The following TSPAN33 variants were observed in gnomAD, a reference collection of about 807,000 sequenced individuals.
TSPAN33 encodes the protein tetraspanin-33.
In TSPAN33, 27 loss-of-function variants were observed where a neutral mutation model predicts 34.8. The ratio of observed to expected loss-of-function variants is 0.78; its 90% CI spans 0.57 to 1.07. The LOEUF is 1.07. Ranked by LOEUF, TSPAN33 falls within the 50% of genes least tolerant of loss-of-function variation. TSPAN33 has a pLI of 0.00. For missense variants in TSPAN33, 272 were observed against 324.9 expected, an observed-to-expected ratio of 0.84 and a Z score of 1.25; for synonymous variants, 119 against 124.2, an observed-to-expected ratio of 0.96 and a Z score of 0.28.
chr7:129,158,110 T>G (rs1199524088), intron 1 of TSPAN33, among the ~76,000 whole-genome samples: 1 of 152,238 alleles, frequency 6.6e-6, no homozygotes, highest in Non-Finnish European at 1.5e-5. Flanking sequence ...GTCCAGCCTC[T>G]GCCTCCATCA....
At chr7:129,150,332 C>T (rs1036545628) in intron 1 of TSPAN33, among the ~76,000 whole-genome samples, 1 of 152,208 alleles carries the variant, frequency 6.6e-6, no homozygotes, top group African/African-American at 2.4e-5. Context: ...CTGGGCCCTG[C>T]TGGCACCCTG....
At chr7:129,159,763 G>T (rs778633370) in intron 1 of TSPAN33, among the ~76,000 whole-genome samples, 2 of 152,308 alleles carry the variant, frequency 1.3e-5, no homozygotes, top group South Asian at 4.1e-4. Flanking sequence ...GGGACAAGGC[G>T]CCAGCTGGCA....
intron 4 of TSPAN33, among the ~76,000 whole-genome samples, chr7:129,163,336 T>TC (rs1410717481): frequency 3.1e-4 from 46 of 147,010 alleles, no homozygotes; most frequent in East Asian, 1.4e-3. Flanking sequence ...TTTCTTTCTT[T>TC]TTTTTTTTTT....
intron 1 of TSPAN33, among the ~76,000 whole-genome samples, chr7:129,145,971 C>T (rs1289615986): frequency 6.6e-6 from 1 of 151,934 alleles, no homozygotes; most frequent in Non-Finnish European, 1.5e-5. Context: ...AATGCCAGCT[C>T]GACCCTGTTT....
rs757351421 is a variant in TSPAN33 at position 129,166,867 on chromosome 7, C to T, written c.549C>T (p.Cys183=). The change falls in exon 6 of 8, where the codon TGC becomes TGT. Residue 183 remains cysteine, a synonymous_variant. Coordinates refer to ENST00000486685, the MANE Select transcript of TSPAN33 (RefSeq NM_178562.5). Reference sequence around the variant, plus strand: ...AAGACAACCCCAGTCGAGAGCGCTGCTCTGTGCCTTACTCCTGTTGCTTGC... The same window carrying T: ...AAGACAACCCCAGTCGAGAGCGCTGTTCTGTGCCTTACTCCTGTTGCTTGC... The part of the protein sequence containing the change: ...CSEDNPSRER[C]SVPYSCCLPT... The T allele has an allele frequency of 6.2e-7, 1 of 1,614,134 alleles. No individual in the cohort carries two copies. The highest frequency in any genetic ancestry group is 8.5e-7 in the Non-Finnish European group (1 of 1,180,028).
rs1440985978 is a variant in TSPAN33 at position 129,154,690 on chromosome 7, G to A, written c.103-6989G>A. Among the ~76,000 whole-genome samples, 6 of 151,976 alleles carry A rather than the reference G, an allele frequency of 3.9e-5. No homozygotes were observed. The South Asian group carries it at 8.3e-4, about 21-fold the overall frequency. On this transcript the variant is annotated intron_variant, in intron 1 of 7. Coordinates refer to ENST00000486685, the MANE Select transcript of TSPAN33 (RefSeq NM_178562.5). Reference sequence around the variant, plus strand: ...TGGAAGGTGGAGGTTGCAGTAAGCCGAGATCGCGCCATTGCACTGCAGCCT... The same window carrying A: ...TGGAAGGTGGAGGTTGCAGTAAGCCAAGATCGCGCCATTGCACTGCAGCCT...
intron 2 of TSPAN33, among the ~76,000 whole-genome samples, chr7:129,162,132 T>G (rs1352753277): frequency 6.6e-6 from 1 of 152,252 alleles, no homozygotes; most frequent in Non-Finnish European, 1.5e-5. Flanking sequence ...CCAATTCTTT[T>G]GCGGAGCGAA....
At position 129,165,752 on chromosome 7, in the gene TSPAN33, A is replaced by G. The variant is rs766862222; in HGVS notation, c.460-1026A>G. On this transcript the variant is annotated intron_variant, in intron 5 of 7. Coordinates refer to ENST00000486685, the MANE Select transcript of TSPAN33 (RefSeq NM_178562.5). This position sits in a 1 kb window ranked among gnomAD's most constrained non-coding sequence, Gnocchi z 4.5. ...TGATGAAACCCTGTTTCCACCAAAA[A>G]TACAAAAATTAGCCGGGTTTGGTGG... Among the ~76,000 whole-genome samples the G allele has an allele frequency of 6.6e-6, 1 of 152,158 alleles. No individual in the cohort carries two copies.
chr7:129,166,965 G>A, intron 6 of TSPAN33, 59 bp downstream of exon 6: 1 of 1,576,098 alleles, frequency 6.3e-7, no homozygotes, highest in Non-Finnish European at 8.6e-7. Flanking sequence ...CTTTCTGATG[G>A]GGGCAGCTGC....
Position 129,167,732 on chromosome 7 carries a change from C to A in TSPAN33, c.751-41C>A. 1 of 1,602,666 alleles carries A rather than the reference C, an allele frequency of 6.2e-7. No individual in the cohort carries two copies. Among genetic ancestry groups the A allele is most frequent in the South Asian group, 1.1e-5 (1 of 90,720 alleles). On this transcript the variant is annotated intron_variant, in intron 7 of 7. Transcript: ENST00000486685. This position sits in a 1 kb window ranked among gnomAD's most constrained non-coding sequence, Gnocchi z 4.6. ...ATCGAGCCAGGGAAAACAAGGCCAT[C>A]ACTCACTGCTGAGTGCCCAATTCCT... is the stretch of plus-strand genomic sequence containing the variant.
chr7:129,155,782 C>T (rs1810657725), intron 1 of TSPAN33, among the ~76,000 whole-genome samples: 2 of 152,116 alleles, frequency 1.3e-5, no homozygotes, highest in Non-Finnish European at 1.5e-5. Context: ...AGTGCAGTGG[C>T]ACAATCATGG....
Position 129,169,344 on chromosome 7 carries a change from C to T in TSPAN33, c.*1470C>T, listed in dbSNP as rs1429016984. 6.6e-6 allele frequency: 1 copy of T among 152,178 alleles called. No homozygotes were observed. 9.4% of individuals were successfully genotyped at this position (152,178 alleles called of 1,614,324 possible). ...GCGTCCGGGGCGGGGCGCTGGACTT[C>T]GTGGGTGGTCCCCGCCCCCGCGGCG... On this transcript the variant is annotated 3_prime_UTR_variant, in exon 8 of 8. Transcript: ENST00000486685.
chr7:129,162,988 A>G, intron 4 of TSPAN33, 81 bp downstream of exon 4: 1 of 1,338,580 alleles, frequency 7.5e-7, no homozygotes, highest in Non-Finnish European at 1.1e-6. Context: ...TAGCCTGGTT[A>G]ATTAACCACA....
At chr7:129,156,010 C>T (rs867469013) in intron 1 of TSPAN33, among the ~76,000 whole-genome samples, 5 of 152,170 alleles carry the variant, frequency 3.3e-5, no homozygotes, top group African/African-American at 9.7e-5. Context: ...GGATTCCAGG[C>T]GTGGCCCACC....
intron 1 of TSPAN33, among the ~76,000 whole-genome samples, chr7:129,152,686 CAAAA>C (rs1810612614): frequency 6.8e-6 from 1 of 146,600 alleles, no homozygotes; most frequent in Admixed American, 7.1e-5. Context: ...GACTCCATCT[CAAAA>C]AACAAACAAA....
Position 129,167,732 on chromosome 7 carries a change from C to T in TSPAN33, c.751-41C>T. 1 of 1,602,666 alleles carries T rather than the reference C, an allele frequency of 6.2e-7. No individual in the cohort carries two copies. Among genetic ancestry groups the T allele is most frequent in the Non-Finnish European group, 8.5e-7 (1 of 1,170,194 alleles). On this transcript the variant is annotated intron_variant, in intron 7 of 7. Transcript: ENST00000486685. This position sits in a 1 kb window ranked among gnomAD's most constrained non-coding sequence, Gnocchi z 4.6. ...ATCGAGCCAGGGAAAACAAGGCCATCACTCACTGCTGAGTGCCCAATTCCT... is the reference window on the plus strand; with the variant it reads ...ATCGAGCCAGGGAAAACAAGGCCATTACTCACTGCTGAGTGCCCAATTCCT...
intron 1 of TSPAN33, among the ~76,000 whole-genome samples, chr7:129,151,800 C>T (rs532110218): frequency 6.6e-6 from 1 of 152,042 alleles, no homozygotes; most frequent in African/African-American, 2.4e-5. Context: ...AACTAGGAAA[C>T]AATTTATTTA....
chr7:129,152,396 A>C (rs573843042), intron 1 of TSPAN33, among the ~76,000 whole-genome samples: 2 of 152,328 alleles, frequency 1.3e-5, no homozygotes, highest in East Asian at 3.9e-4. Flanking sequence ...ATTCAGCGAT[A>C]AAAGGAAATG....
At chr7:129,164,300 G>A (rs1030375750) in intron 4 of TSPAN33, among the ~76,000 whole-genome samples, 174 bp from the exon 5 acceptor site, 1 of 152,112 alleles carries the variant, frequency 6.6e-6, no homozygotes, top group Non-Finnish European at 1.5e-5. Flanking sequence ...GGTACCTGAG[G>A]GCCCTGGGAT....
Sources: allele counts gnomAD v4.1 joint callset (sites outside exome capture counted in the v4.1 genomes callset), GRCh38; gene constraint gnomAD v4.1.1; non-coding constraint Gnocchi (gnomAD v3.1); transcripts MANE v1.5; gene names NCBI Gene and HGNC (gene_info 2026-07-23, HGNC 2026-07-21).